CCT7: variants seen among roughly 807,000 people sequenced by gnomAD.
The protein encoded by CCT7 is chaperonin containing TCP1 subunit 7.
CCT7 carries 16 observed loss-of-function variants against 56.6 expected under a neutral mutation model. The ratio of observed to expected loss-of-function variants is 0.28; its 90% confidence interval spans 0.19 to 0.43. The LOEUF (loss-of-function observed/expected upper bound fraction) is 0.43, where lower values mean the gene tolerates loss of function less well. CCT7 is among the 20% of genes least tolerant of loss of function. The pLI, the probability that CCT7 is intolerant of heterozygous loss-of-function variation, is 1.00. For synonymous variants in CCT7, 262 were observed against 254.8 expected (o/e 1.03, Z -0.27); for missense variants, 519 against 685.6 (o/e 0.76, Z 2.71).
At chr2:73,238,014 C>G (rs1686952576) in intron 1 of CCT7, among the ~76,000 whole-genome samples, 2 of 152,158 alleles carry the variant, frequency 1.3e-5, no homozygotes, top group South Asian at 4.2e-4. Context: ...GGAGCAAGAC[C>G]CTGTCTCTTA....
At chr2:73,237,208 G>C (rs1346024008) in intron 1 of CCT7, among the ~76,000 whole-genome samples, 1 of 152,212 alleles carries the variant, frequency 6.6e-6, no homozygotes, top group African/African-American at 2.4e-5. Context: ...TTACTGTAGA[G>C]AAAACTTCTT....
At chr2:73,240,942 C>T (rs1173702558) in intron 3 of CCT7, among the ~76,000 whole-genome samples, 2 of 148,548 alleles carry the variant, frequency 1.3e-5, no homozygotes, top group African/African-American at 2.5e-5. Context: ...TACTATGTTT[C>T]CCAGGTTGGC....
intron 1 of CCT7, 157 bp from the exon 2 acceptor site, chr2:73,239,486 G>T: frequency 1.5e-6 from 1 of 650,212 alleles, no homozygotes; most frequent in Non-Finnish European, 2.6e-6. Flanking sequence ...GTAGAGGCTG[G>T]TTGGGGAATG....
Position 73,243,736 on chromosome 2 carries a change from G to A in CCT7, c.394-261G>A, listed in dbSNP as rs894480326. 4.4e-5 allele frequency: 20 copies of A among 458,764 alleles called. No homozygotes were observed. In the Admixed American group the frequency reaches 7.7e-4, roughly 18 times the overall value. The allele number at this position is 458,764 out of a possible 1,614,324, so 28.4% of individuals were successfully genotyped here. A position where few individuals can be genotyped will look rare whatever the true frequency, so the allele number is the denominator to read the frequency against. On this transcript the variant is annotated intron_variant, in intron 4 of 11. Coordinates refer to ENST00000258091, the MANE Select transcript of CCT7 (RefSeq NM_006429.4). ...ACTCATTCGTTGTAGCGTGTTACCTGCAGACCCAGAGCAAAATCTTGGAAG... is the reference window on the plus strand; with the variant it reads ...ACTCATTCGTTGTAGCGTGTTACCTACAGACCCAGAGCAAAATCTTGGAAG...
chr2:73,244,723 T>G lies in CCT7; in HGVS notation c.618+8T>G. On this transcript the variant is annotated splice_region_variant and intron_variant, in intron 6 of 11. Transcript: ENST00000258091. ...CAGGGTGGAGCCCTCGAGGTAAGCCTGCTGTGGCCTTCCTAGACAGCTCTT... is the reference window on the plus strand; with the variant it reads ...CAGGGTGGAGCCCTCGAGGTAAGCCGGCTGTGGCCTTCCTAGACAGCTCTT... 11 of 1,603,928 alleles carry G rather than the reference T, an allele frequency of 6.9e-6. No homozygotes were observed. Among genetic ancestry groups the G allele is most frequent in the Non-Finnish European group, 9.4e-6 (11 of 1,173,328 alleles).
At chr2:73,252,050 A>G (rs1175845363) in intron 11 of CCT7, among the ~76,000 whole-genome samples, 2 of 147,304 alleles carry the variant, frequency 1.4e-5, no homozygotes, top group African/African-American at 5.0e-5. Flanking sequence ...GGTGTGGTGA[A>G]GCTCTCCAGA....
rs1240177570 is a variant in CCT7, at chr2:73,244,461, G to T, written c.447-83G>T. On this transcript the variant is annotated intron_variant, in intron 5 of 11. Coordinates refer to ENST00000258091, the MANE Select transcript of CCT7 (RefSeq NM_006429.4). ...AGGGCTGAGTTTAGAGACTGGAAGG[G>T]AACTACCTCCACACTGTAGTAGAAT... 4.9e-6 allele frequency: 6 copies of T among 1,234,164 alleles called. No homozygotes were observed. The East Asian group carries it at 9.8e-5, about 20-fold the overall frequency. 76.5% of individuals were successfully genotyped at this position (1,234,164 alleles called of 1,614,324 possible).
chr2:73,252,294 A>T (rs1430080527), intron 11 of CCT7, among the ~76,000 whole-genome samples: 1 of 146,786 alleles, frequency 6.8e-6, no homozygotes, highest in East Asian at 2.0e-4. Flanking sequence ...TATTTTTGTT[A>T]TTCCTGTTTA....
chr2:73,245,038 G>A (rs1481286188), intron 6 of CCT7, among the ~76,000 whole-genome samples: 2 of 152,162 alleles, frequency 1.3e-5, no homozygotes, highest in African/African-American at 4.8e-5. Context: ...ACATCTGAGA[G>A]GGATTTTTCA....
chr2:73,249,958 T>C (rs1687501215), intron 9 of CCT7, 42 bp downstream of exon 9: 1 of 1,311,582 alleles, frequency 7.6e-7, no homozygotes, highest in Non-Finnish European at 1.1e-6. Flanking sequence ...CCTGCCTGGG[T>C]CTGGTCTTCT....
chr2:73,237,347 C>G (rs1354039048), intron 1 of CCT7, among the ~76,000 whole-genome samples: 1 of 152,132 alleles, frequency 6.6e-6, no homozygotes, highest in African/African-American at 2.4e-5. Flanking sequence ...TATACACAAG[C>G]ATTGGGTAAG....
Position 73,234,311 on chromosome 2 carries a change from G to A in CCT7, c.-68G>A. ...GGGTATTTCTATTGCGCGAGGCATT[G>A]TGGGTTGCTGGGCGGCCCGGTCTCG... On this transcript the variant is annotated 5_prime_UTR_variant, in exon 1 of 12. The change creates a new upstream start codon in the 5' untranslated region. Transcript: ENST00000258091. The A allele has an allele frequency of 1.3e-6, 2 of 1,596,838 alleles. No individual in the cohort carries two copies. Among genetic ancestry groups the A allele is most frequent in the Non-Finnish European group, 1.7e-6 (2 of 1,164,392 alleles).
Position 73,244,037 on chromosome 2 carries a change from A to T in CCT7, c.434A>T (p.Lys145Met), listed in dbSNP as rs781220213. The T allele has an allele frequency of 1.9e-6, 3 of 1,613,174 alleles. No individual in the cohort carries two copies. The South Asian group carries it at 3.3e-5, about 18-fold the overall frequency. Reference protein sequence around the residue: ...KIKEIAVTVKKADKVEQRKLL... With the variant: ...KIKEIAVTVKMADKVEQRKLL... ...AAAGAGATTGCTGTGACCGTGAAGA[A>T]GGCAGATAAAGTGTAAGTCTGTAGT... Residue 145 changes from lysine to methionine, a missense_variant, in exon 5 of 12, where the codon AAG becomes ATG. Lys to Met is a moderately conservative substitution (Grantham distance 95). Transcript: ENST00000258091.
At chr2:73,250,605 G>T (rs1299779756) in intron 10 of CCT7, among the ~76,000 whole-genome samples, 167 bp downstream of exon 10, 1 of 151,984 alleles carries the variant, frequency 6.6e-6, no homozygotes, top group Non-Finnish European at 1.5e-5. Context: ...CTGAGCCTCA[G>T]TTTCTCAAAA....
At position 73,249,014 on chromosome 2, in the gene CCT7, T is replaced by C; in HGVS notation, c.807T>C (p.Ala269=). The change falls in exon 8 of 12, where the codon GCT becomes GCC. Residue 269 remains alanine (A), a synonymous_variant. Coordinates refer to ENST00000258091, the MANE Select transcript of CCT7 (RefSeq NM_006429.4). Reference sequence around the variant, plus strand: ...AGGATTATCAGGCAATTGTTGATGCTGAGTGGAACATTCTCTATGACAAGT... The same window carrying C: ...AGGATTATCAGGCAATTGTTGATGCCGAGTGGAACATTCTCTATGACAAGT... ...TVEDYQAIVD[A]EWNILYDKLE... 6.2e-7 allele frequency: 1 copy of C among 1,613,310 alleles called. No individual in the cohort carries two copies. The highest frequency in any genetic ancestry group is 8.5e-7 in the Non-Finnish European group (1 of 1,179,922).
chr2:73,243,916 T>G, intron 4 of CCT7, 81 bp from the exon 5 acceptor site: 1 of 1,290,642 alleles, frequency 7.7e-7, no homozygotes, highest in Non-Finnish European at 1.1e-6. Flanking sequence ...GTGAACAGAC[T>G]CAGGACTATT....
intron 2 of CCT7, 197 bp downstream of exon 2, chr2:73,239,993 C>A: frequency 1.9e-6 from 1 of 526,890 alleles, no homozygotes; most frequent in Non-Finnish European, 3.3e-6. Context: ...AACCTAGGCT[C>A]AGGAGCCTGT....
At position 73,249,782 on chromosome 2, in the gene CCT7, A is replaced by T. The variant is rs202193187; in HGVS notation, c.973-37A>T. 15 of 1,457,094 alleles carry T rather than the reference A, an allele frequency of 1.0e-5. No homozygotes were observed. In the Admixed American group the frequency reaches 2.2e-4, roughly 21 times the overall value. The allele number at this position is 1,457,094 out of a possible 1,614,324, so 90.3% of individuals were successfully genotyped here. On this transcript the variant is annotated intron_variant, in intron 8 of 11. Coordinates refer to ENST00000258091, the MANE Select transcript of CCT7 (RefSeq NM_006429.4). ...GGCAGGAAGCTGCCTGGCCTCGGGA[A>T]CCTTCACTGCTAGATCTTGCCTTCC...
At chr2:73,242,827 A>G in intron 3 of CCT7, 177 bp from the exon 4 acceptor site, 1 of 673,442 alleles carries the variant, frequency 1.5e-6, no homozygotes, top group South Asian at 1.8e-5. Context: ...GACATGATGG[A>G]TATGTAACTA....
Sources: gnomAD v4.1 joint callset for allele counts (sites outside exome capture counted in the v4.1 genomes callset) on GRCh38, gnomAD v4.1.1 for gene constraint, MANE v1.5 for transcripts, NCBI Gene and HGNC (gene_info 2026-07-23, HGNC 2026-07-21) for gene names.